SPTBN1: variants seen among roughly 807,000 people sequenced by gnomAD.
SPTBN1 encodes the protein spectrin beta chain, non-erythrocytic 1.
In SPTBN1, 32 loss-of-function variants were observed where a neutral mutation model predicts 266.4. That is an observed-to-expected ratio of 0.12 (90% CI 0.09 to 0.16). SPTBN1 has a LOEUF of 0.16. Among genes scored for constraint, SPTBN1 ranks in the 10% least tolerant of loss-of-function variants. The pLI is 1.00. For missense variants in SPTBN1, 2,296 were observed against 3,067.1 expected (o/e 0.75, Z 5.94); for synonymous variants, 1,336 against 1,162.2 (o/e 1.15, Z -3.04).
At chr2:54,575,088 C>A (rs540234049) in intron 2 of SPTBN1, among the ~76,000 whole-genome samples, 9 of 152,186 alleles carry the variant, frequency 5.9e-5, no homozygotes, top group Non-Finnish European at 1.3e-4. Flanking sequence ...TGTGCTTCGT[C>A]TAAATAGGTG....
At chr2:54,512,239 G>A (rs544269860) in intron 1 of SPTBN1, among the ~76,000 whole-genome samples, 1 of 152,292 alleles carries the variant, frequency 6.6e-6, no homozygotes, top group Admixed American at 6.5e-5. Flanking sequence ...ATGTTAAAAT[G>A]ATAATTATTT....
intron 2 of SPTBN1, among the ~76,000 whole-genome samples, chr2:54,553,855 A>G (rs1672716948): frequency 6.6e-6 from 1 of 152,228 alleles, no homozygotes; most frequent in South Asian, 2.1e-4. Flanking sequence ...GTAATGCAGG[A>G]AAAGCATTCA....
intron 2 of SPTBN1, among the ~76,000 whole-genome samples, chr2:54,595,419 C>T (rs1442085513): frequency 6.6e-6 from 1 of 152,196 alleles, no homozygotes; most frequent in Non-Finnish European, 1.5e-5. Flanking sequence ...TGGGAACCTA[C>T]TGAAAGGTTT....
At chr2:54,491,538 C>G (rs918386053) in intron 1 of SPTBN1, among the ~76,000 whole-genome samples, 5 of 152,096 alleles carry the variant, frequency 3.3e-5, no homozygotes, top group Non-Finnish European at 2.9e-5. Context: ...GCTTTGTAAT[C>G]ATAAACATTT....
At chr2:54,546,184 A>T (rs1274777030) in intron 2 of SPTBN1, among the ~76,000 whole-genome samples, 1 of 152,138 alleles carries the variant, frequency 6.6e-6, no homozygotes, top group Non-Finnish European at 1.5e-5. Context: ...TACAAGGACA[A>T]TTTTTTGATC....
At chr2:54,564,298 C>A (rs1401809335) in intron 2 of SPTBN1, among the ~76,000 whole-genome samples, 1 of 152,156 alleles carries the variant, frequency 6.6e-6, no homozygotes, top group East Asian at 1.9e-4. Flanking sequence ...TTAGGAGAGT[C>A]AGCCTAAAAT....
chr2:54,485,797 C>T (rs1300195263), intron 1 of SPTBN1, among the ~76,000 whole-genome samples: 1 of 151,438 alleles, frequency 6.6e-6, no homozygotes, highest in African/African-American at 2.4e-5. Context: ...AGCGTCTCTG[C>T]CCGGCCGCCC....
chr2:54,650,784 C>A (rs945246063), intron 26 of SPTBN1, among the ~76,000 whole-genome samples: 1 of 152,218 alleles, frequency 6.6e-6, no homozygotes, highest in Non-Finnish European at 1.5e-5. Context: ...CAGCCATAGA[C>A]AGTGAGAAGA....
chr2:54,527,962 G>T (rs1401079362), intron 2 of SPTBN1: 1 of 152,326 alleles, frequency 6.6e-6, no homozygotes, highest in African/African-American at 2.4e-5. Flanking sequence ...AATGGATGTT[G>T]GGGGTACAGC....
intron 1 of SPTBN1, among the ~76,000 whole-genome samples, chr2:54,492,556 T>A (rs1259656382): frequency 6.6e-6 from 1 of 152,206 alleles, no homozygotes; most frequent in East Asian, 1.9e-4. Context: ...ACCAACTGAC[T>A]GACTGCTGTG....
chr2:54,597,712 C>T (rs4283459), intron 2 of SPTBN1, among the ~76,000 whole-genome samples: 42,941 of 152,056 alleles, frequency 0.28, 7,546 homozygotes, highest in Non-Finnish European at 0.35. Context: ...GACAGACCTT[C>T]CCAGGGTGTT....
chr2:54,566,433 C>T (rs1673668477), intron 2 of SPTBN1, among the ~76,000 whole-genome samples: 1 of 151,942 alleles, frequency 6.6e-6, no homozygotes. Context: ...GGTGATCCAC[C>T]CCCCTTGGCC....
At chr2:54,474,836 C>T (rs1054761200) in intron 1 of SPTBN1, among the ~76,000 whole-genome samples, 3 of 152,044 alleles carry the variant, frequency 2.0e-5, no homozygotes, top group Admixed American at 1.3e-4. Context: ...CTACAGTAAG[C>T]ATATGTTACT....
chr2:54,649,812 T>C lies in SPTBN1; in HGVS notation c.5400T>C (p.Ile1800=). 6.2e-7 allele frequency: 1 copy of C among 1,614,170 alleles called. No individual in the cohort carries two copies. The highest frequency in any genetic ancestry group is 8.5e-7 in the Non-Finnish European group (1 of 1,180,040). ...AGCTCATTGACACAAGAACACAGAT[T>C]CTTGCCGCTTCCTATGAACTGCACA... The part of the protein sequence containing the change: ...LLELIDTRTQ[I]LAASYELHKF... Residue 1800 remains isoleucine, a synonymous_variant, in exon 26 of 36, where the codon ATT becomes ATC. Transcript: ENST00000356805. The surrounding 1 kb of genome is among the most constrained non-coding windows in gnomAD (Gnocchi z 6.7).
At chr2:54,465,013 T>C (rs1693555236) in intron 1 of SPTBN1, among the ~76,000 whole-genome samples, 1 of 151,998 alleles carries the variant, frequency 6.6e-6, no homozygotes, top group Non-Finnish European at 1.5e-5. Context: ...TTTTTAATAA[T>C]CAAAAAAGCA....
intron 2 of SPTBN1, among the ~76,000 whole-genome samples, chr2:54,555,546 T>A (rs1405136924): frequency 6.6e-6 from 1 of 152,216 alleles, no homozygotes; most frequent in Non-Finnish European, 1.5e-5. Flanking sequence ...AACCACCCAG[T>A]TGACCTTGCT....
chr2:54,513,956 T>A (rs1669983989), intron 1 of SPTBN1, among the ~76,000 whole-genome samples: 1 of 152,230 alleles, frequency 6.6e-6, no homozygotes, highest in South Asian at 2.1e-4. Context: ...TTCAAAATAT[T>A]AGGACTTACA....
chr2:54,529,504 A>T, intron 2 of SPTBN1: 1 of 713,488 alleles, frequency 1.4e-6, no homozygotes. Flanking sequence ...AGACACTGAG[A>T]CTCTGGAGGC....
chr2:54,595,829 C>T (rs1360317163), intron 2 of SPTBN1, among the ~76,000 whole-genome samples: 1 of 152,186 alleles, frequency 6.6e-6, no homozygotes, highest in Non-Finnish European at 1.5e-5. Flanking sequence ...AAGCAGCATC[C>T]TGGGCCTCTA....
Sources: gnomAD v4.1 joint callset for allele counts (sites outside exome capture counted in the v4.1 genomes callset) on GRCh38, gnomAD v4.1.1 for gene constraint, Gnocchi (gnomAD v3.1) non-coding constraint, MANE v1.5 for transcripts, NCBI Gene and HGNC (gene_info 2026-07-23, HGNC 2026-07-21) for gene names.